Variants in C4orf51 observed in about 807,000 individuals in gnomAD.
C4orf51 encodes the protein chromosome 4 open reading frame 51.
Under a neutral mutation model 25.2 loss-of-function variants are expected in C4orf51, and 25 were observed. The ratio of observed to expected loss-of-function variants is 0.99; its 90% CI spans 0.72 to 1.39. The LOEUF is 1.39. Ranked by LOEUF, C4orf51 falls within the 40% of genes most tolerant of loss-of-function variation. The pLI, the probability that C4orf51 is intolerant of heterozygous loss-of-function variation, is 0.00. For missense variants in C4orf51, 252 were observed against 239.6 expected, an observed-to-expected ratio of 1.05 and a Z score of -0.34; for synonymous variants, 100 against 84.5, an observed-to-expected ratio of 1.18 and a Z score of -1.01.
chr4:145,688,098 G>A (rs773407381), intron 1 of C4orf51, among the ~76,000 whole-genome samples: 5 of 151,642 alleles, frequency 3.3e-5, no homozygotes, highest in Admixed American at 6.6e-5. Context: ...CTACTCGGGA[G>A]GCTGAGGTGG....
chr4:145,710,026 A>G (rs1196412795), intron 2 of C4orf51, among the ~76,000 whole-genome samples: 1 of 152,206 alleles, frequency 6.6e-6, no homozygotes, highest in Non-Finnish European at 1.5e-5. Flanking sequence ...TCTTACCACA[A>G]GGGATCATAT....
In C4orf51 at chr4:145,727,895, G is replaced by GTATATA. The variant is rs35521926; in HGVS notation, c.366+949_366+954dup. 9.5e-3 allele frequency among the ~76,000 whole-genome samples: 966 copies of GTATATA among 101,552 alleles called. 4 individuals carry two copies. The highest frequency in any genetic ancestry group is 0.014 in the Middle Eastern group (3 of 210). The allele number at this position is 101,552 out of a possible 152,430, so 66.6% of individuals were successfully genotyped here. A position where few individuals can be genotyped will look rare whatever the true frequency, so the allele number is the denominator to read the frequency against. On this transcript the variant is annotated intron_variant, in intron 3 of 5. Coordinates refer to ENST00000438731, the MANE Select transcript of C4orf51 (RefSeq NM_001080531.3). The stretch of plus-strand genomic sequence containing the variant: ...GAAACTCCACCTACAAAAAAAATGT[G>GTATATA]TATATATATATATATATATATATAT...
chr4:145,749,741 C>G (rs1019203964), intron 1 of C4orf51, among the ~76,000 whole-genome samples: 2 of 152,156 alleles, frequency 1.3e-5, no homozygotes, highest in Non-Finnish European at 2.9e-5. Flanking sequence ...TCACACCATT[C>G]TCCTGCCTCA....
chr4:145,712,208 G>A (rs1487584512), intron 2 of C4orf51, among the ~76,000 whole-genome samples: 1 of 151,966 alleles, frequency 6.6e-6, no homozygotes. Flanking sequence ...CCCTACAATG[G>A]CCTCTAATGG....
rs377183800 is a variant in C4orf51, at chr4:145,702,008, C to G, written c.307+5376C>G. Among the ~76,000 whole-genome samples, 17 of 152,198 alleles carry G rather than the reference C, an allele frequency of 1.1e-4. No homozygotes were observed. In the East Asian group the frequency reaches 1.9e-3, roughly 17 times the overall value. On this transcript the variant is annotated intron_variant, in intron 2 of 5. Transcript: ENST00000438731. Reference sequence around the variant, plus strand: ...AAGTATAGGACATCTCTACTCCTTCCCTGGCAACCAATCACATGCCCATTA... The same window carrying G: ...AAGTATAGGACATCTCTACTCCTTCGCTGGCAACCAATCACATGCCCATTA...
chr4:145,731,361 C>A (rs563008217), intron 5 of C4orf51, among the ~76,000 whole-genome samples: 38 of 152,052 alleles, frequency 2.5e-4, no homozygotes, highest in African/African-American at 7.7e-4. Flanking sequence ...TCAAAGTAGC[C>A]GCTTTTAAGT....
downstream of C4orf51, among the ~76,000 whole-genome samples, chr4:145,733,127 C>T (rs1041576126): frequency 2.0e-5 from 3 of 151,970 alleles, no homozygotes; most frequent in African/African-American, 7.2e-5. Context: ...GCTGCCTGCG[C>T]CCCCAAAGCC....
chr4:145,767,022 AC>A (rs974494627), intron 1 of C4orf51, among the ~76,000 whole-genome samples: 32 of 152,208 alleles, frequency 2.1e-4, no homozygotes, highest in African/African-American at 7.2e-4. Flanking sequence ...CATGGTAAAA[AC>A]CACAATGTCT....
Position 145,763,578 on chromosome 4 carries a change from G to A in C4orf51, n.167-7410G>A, listed in dbSNP as rs1171422993. Among the ~76,000 whole-genome samples the A allele has an allele frequency of 6.6e-6, 1 of 152,228 alleles. No individual in the cohort carries two copies. The highest frequency in any genetic ancestry group is 1.5e-5 in the Non-Finnish European group (1 of 68,042). ...GGCTTCAGAGGCTGGGGACTTTGGA[G>A]GTCCCTGAGGAAAGGCGAACTGGCA... On this transcript the variant is annotated intron_variant and non_coding_transcript_variant, in intron 1 of 1. Transcript: ENST00000510096. This position sits in a 1 kb window ranked among gnomAD's most constrained non-coding sequence, Gnocchi z 4.6.
At chr4:145,727,031 A>T in intron 3 of C4orf51, 62 bp downstream of exon 3, 2 of 1,271,910 alleles carry the variant, frequency 1.6e-6, no homozygotes, top group Non-Finnish European at 2.2e-6. Flanking sequence ...TATACACTGC[A>T]TATTATTCAT....
At chr4:145,753,837 C>T (rs1001242308) in intron 1 of C4orf51, among the ~76,000 whole-genome samples, 3 of 152,186 alleles carry the variant, frequency 2.0e-5, no homozygotes, top group Non-Finnish European at 4.4e-5. Context: ...AGTGGCTTCT[C>T]CCTAAAAAGT....
Position 145,732,523 on chromosome 4 carries a change from A to G in C4orf51, c.572A>G (p.Asp191Gly). The G allele has an allele frequency of 6.2e-7, 1 of 1,611,130 alleles. No individual in the cohort carries two copies. The highest frequency in any genetic ancestry group is 8.5e-7 in the Non-Finnish European group (1 of 1,178,954). Residue 191 changes from aspartate (D) to glycine (G), a missense_variant, in exon 6 of 6, where the codon GAT (aspartate) becomes GGT (glycine). Coordinates refer to ENST00000438731, the MANE Select transcript of C4orf51 (RefSeq NM_001080531.3). ...GATTCAGAAGCTGATCGATACTCCG[A>G]TTATGGCTGGGGAGGACCCTCATCG... ...SEDSEADRYS[D>G]YGWGGPSSPF...
At chr4:145,707,891 T>A (rs1730910186) in intron 2 of C4orf51, among the ~76,000 whole-genome samples, 1 of 152,222 alleles carries the variant, frequency 6.6e-6, no homozygotes, top group Non-Finnish European at 1.5e-5. Context: ...AGTGTCTGAT[T>A]TGGAAGCCAG....
chr4:145,791,253 C>T, the C4orf51 span, among the ~76,000 whole-genome samples: 2 of 152,200 alleles, frequency 1.3e-5, no homozygotes, highest in East Asian at 1.9e-4. Flanking sequence ...CTCACTCCAC[C>T]CTCACATGGC....
chr4:145,776,535 C>T, the C4orf51 span, among the ~76,000 whole-genome samples: 1 of 151,000 alleles, frequency 6.6e-6, no homozygotes, highest in African/African-American at 2.4e-5. Flanking sequence ...TGGACACCCA[C>T]AGCCCATTTT....
chr4:145,750,056 T>G (rs901813408), intron 1 of C4orf51, among the ~76,000 whole-genome samples: 1 of 152,228 alleles, frequency 6.6e-6, no homozygotes, highest in African/African-American at 2.4e-5. Context: ...AACTTTTTGT[T>G]GTTTCTATTT....
intron 2 of C4orf51, among the ~76,000 whole-genome samples, chr4:145,721,588 A>T (rs1320628676): frequency 6.6e-6 from 1 of 152,188 alleles, no homozygotes; most frequent in African/African-American, 2.4e-5. Context: ...AGACTAAGAA[A>T]TGGTTAAATG....
chr4:145,695,131 G>A (rs1729965671), intron 1 of C4orf51, among the ~76,000 whole-genome samples: 1 of 152,214 alleles, frequency 6.6e-6, no homozygotes, highest in Non-Finnish European at 1.5e-5. Flanking sequence ...CAGAACGGTA[G>A]TTCTATTTTT....
At chr4:145,719,896 C>T (rs972810548) in intron 2 of C4orf51, among the ~76,000 whole-genome samples, 2 of 152,066 alleles carry the variant, frequency 1.3e-5, no homozygotes, top group Admixed American at 1.3e-4. Context: ...GGAGAGAGGG[C>T]AGGTGACTTG....
Sources: allele counts gnomAD v4.1 joint callset (sites outside exome capture counted in the v4.1 genomes callset), GRCh38; gene constraint gnomAD v4.1.1; non-coding constraint Gnocchi (gnomAD v3.1); transcripts MANE v1.5; gene names NCBI Gene and HGNC (gene_info 2026-07-23, HGNC 2026-07-21).